TTC28: variants seen among roughly 807,000 people sequenced by gnomAD.
TTC28 encodes tetratricopeptide repeat protein 28.
In TTC28, 61 loss-of-function variants were observed where a neutral mutation model predicts 198.0. The observed-to-expected ratio is 0.31, with a 90% CI of 0.25 to 0.38. The LOEUF (loss-of-function observed/expected upper bound fraction) is 0.38. Among genes scored for constraint, TTC28 ranks in the 10% least tolerant of loss-of-function variants. The pLI, the probability that TTC28 is intolerant of heterozygous loss-of-function variation, is 1.00. For missense variants in TTC28, 2,678 were observed against 3,164.0 expected, an observed-to-expected ratio of 0.85 and a Z score of 3.69; for synonymous variants, 1,171 against 1,297.8, an observed-to-expected ratio of 0.90 and a Z score of 2.10.
At chr22:28,537,310 A>C (rs532017435) in intron 2 of TTC28, among the ~76,000 whole-genome samples, 15 of 144,994 alleles carry the variant, frequency 1.0e-4, no homozygotes, top group South Asian at 2.2e-4. Context: ...AAATAAAATA[A>C]AATAAAATAA....
At chr22:28,179,684 T>C (rs1923521551) in intron 5 of TTC28, among the ~76,000 whole-genome samples, 1 of 152,226 alleles carries the variant, frequency 6.6e-6, no homozygotes, top group African/African-American at 2.4e-5. Flanking sequence ...GGGAGAATCA[T>C]GGCAATGTGG....
chr22:28,648,931 GGA>G (rs148966380), intron 1 of TTC28, among the ~76,000 whole-genome samples: 6 of 149,288 alleles, frequency 4.0e-5, no homozygotes, highest in African/African-American at 1.5e-4. Context: ...GAAAAGAAAA[GGA>G]GAGAGAGAGA....
At chr22:28,390,204 G>C (rs1453488964) in intron 2 of TTC28, among the ~76,000 whole-genome samples, 2 of 152,172 alleles carry the variant, frequency 1.3e-5, no homozygotes, top group African/African-American at 4.8e-5. Flanking sequence ...TGTGGTCTGA[G>C]AGATAGTTTG....
chr22:28,363,831 CTGGCCAATTTCT>C (rs2046198999), intron 2 of TTC28, among the ~76,000 whole-genome samples: 1 of 152,196 alleles, frequency 6.6e-6, no homozygotes, highest in Non-Finnish European at 1.5e-5. Context: ...CCCATTTGTT[CTGGCCAATTTCT>C]TCCATTTGGA....
intron 5 of TTC28, among the ~76,000 whole-genome samples, chr22:28,215,040 C>G (rs575548512): frequency 1.3e-5 from 2 of 152,130 alleles, no homozygotes; most frequent in Admixed American, 1.3e-4. Flanking sequence ...GGACAGAAAA[C>G]CAAACACCAC....
At chr22:28,220,051 T>C (rs1018122780) in intron 5 of TTC28, among the ~76,000 whole-genome samples, 2 of 152,230 alleles carry the variant, frequency 1.3e-5, no homozygotes, top group African/African-American at 4.8e-5. Flanking sequence ...TGGTGTCCTT[T>C]ATCTAGGACA....
At chr22:28,455,168 A>G (rs969827280) in intron 2 of TTC28, among the ~76,000 whole-genome samples, 1 of 152,136 alleles carries the variant, frequency 6.6e-6, no homozygotes, top group African/African-American at 2.4e-5. Flanking sequence ...TAACAAAATC[A>G]CTGGCAGTGT....
chr22:28,663,695 T>C (rs2051792365), intron 1 of TTC28, among the ~76,000 whole-genome samples: 1 of 141,650 alleles, frequency 7.1e-6, no homozygotes, highest in African/African-American at 2.7e-5. Flanking sequence ...GAGATCAAAC[T>C]GCAAGGCGGC....
At chr22:27,995,436 T>C (rs1244512498) in intron 17 of TTC28, among the ~76,000 whole-genome samples, 3 of 152,164 alleles carry the variant, frequency 2.0e-5, no homozygotes, top group African/African-American at 7.2e-5. Flanking sequence ...GCCTTCCAGG[T>C]TGTTCCCGAG....
At chr22:28,058,543 T>C (rs555813950) in intron 12 of TTC28, among the ~76,000 whole-genome samples, 89 of 152,282 alleles carry the variant, frequency 5.8e-4, no homozygotes, top group Non-Finnish European at 9.7e-4. Context: ...TAAATATTTT[T>C]ATACCTATAT....
chr22:28,336,050 G>A (rs1013345808), intron 2 of TTC28, among the ~76,000 whole-genome samples: 20 of 152,132 alleles, frequency 1.3e-4, no homozygotes, highest in Non-Finnish European at 2.5e-4. Flanking sequence ...TAGCACGAAG[G>A]GCTGTTGAAT....
intron 5 of TTC28, among the ~76,000 whole-genome samples, chr22:28,237,728 T>C (rs572077614): frequency 2.2e-4 from 34 of 152,320 alleles, no homozygotes; most frequent in Non-Finnish European, 2.9e-4. Flanking sequence ...TTCCTTTGTA[T>C]AGAATCAAGT....
chr22:28,623,931 A>T (rs550547019), intron 2 of TTC28, among the ~76,000 whole-genome samples: 36 of 151,558 alleles, frequency 2.4e-4, no homozygotes, highest in African/African-American at 6.5e-4. Flanking sequence ...CTCATATTTT[A>T]AAAAAAAAGA....
intron 2 of TTC28, among the ~76,000 whole-genome samples, chr22:28,386,393 C>T (rs1333979772): frequency 1.3e-5 from 2 of 150,548 alleles, no homozygotes; most frequent in African/African-American, 4.9e-5. Context: ...TCTTCCTGCT[C>T]TCTCATGATG....
rs1014853282 is a variant in TTC28, at chr22:28,677,260, ATT to A, written c.102+2360_102+2361del. ...AATGAAACCAATAAAATAAAATTCA[ATT>A]TAATTAAAAAATAGTTCCTGAAATA... On this transcript the variant is annotated intron_variant, in intron 1 of 22. Transcript: ENST00000397906. Among the ~76,000 whole-genome samples, 104 of 151,014 alleles carry A rather than the reference ATT, an allele frequency of 6.9e-4. 1 individual carries two copies. Among genetic ancestry groups the A allele is most frequent in the Admixed American group, 2.6e-4 (4 of 15,144 alleles).
intron 14 of TTC28, among the ~76,000 whole-genome samples, chr22:28,011,069 G>C (rs930879421): frequency 6.6e-6 from 1 of 152,060 alleles, no homozygotes; most frequent in Admixed American, 6.5e-5. Flanking sequence ...ATTATTCCAG[G>C]ACACCCCTCA....
intron 2 of TTC28, among the ~76,000 whole-genome samples, chr22:28,533,548 G>GA (rs200742989): frequency 0.068 from 10,405 of 152,042 alleles, 522 homozygotes; most frequent in Non-Finnish European, 0.096. Flanking sequence ...CACAGAATTG[G>GA]AAAAAAACTT....
chr22:28,243,174 CAAAAA>C (rs754700795), intron 5 of TTC28, among the ~76,000 whole-genome samples: 43 of 68,314 alleles, frequency 6.3e-4, no homozygotes, highest in Non-Finnish European at 8.5e-4. Context: ...CCCCTCTCTA[CAAAAA>C]AAAAAAAAAA....
intron 5 of TTC28, among the ~76,000 whole-genome samples, chr22:28,231,299 A>G (rs1285306661): frequency 6.6e-6 from 1 of 152,218 alleles, no homozygotes; most frequent in African/African-American, 2.4e-5. Flanking sequence ...GAATACACGG[A>G]TAAGTTCTTT....
Sources: allele counts gnomAD v4.1 joint callset (sites outside exome capture counted in the v4.1 genomes callset), GRCh38; gene constraint gnomAD v4.1.1; transcripts MANE v1.5; gene names NCBI Gene and HGNC (gene_info 2026-07-23, HGNC 2026-07-21).